Variants in TGM6 observed in about 807,000 individuals in gnomAD.
TGM6 encodes protein-glutamine gamma-glutamyltransferase 6.
Under a neutral mutation model 77.5 loss-of-function variants are expected in TGM6, and 74 were observed. The observed-to-expected ratio is 0.96, with a 90% CI of 0.79 to 1.16. The LOEUF (loss-of-function observed/expected upper bound fraction) is 1.16, where lower values mean the gene tolerates loss of function less well. Among genes scored for constraint, TGM6 ranks in the 50% most tolerant of loss-of-function variants. The pLI, the probability that TGM6 is intolerant of heterozygous loss-of-function variation, is 0.00. For missense variants in TGM6, 968 were observed against 940.2 expected (o/e 1.03, Z -0.39); for synonymous variants, 383 against 378.9 (o/e 1.01, Z -0.12).
chr20:2,394,429 C>T (rs763039648), intron 1 of TGM6, 23 bp from the exon 2 acceptor site: 1 of 1,610,836 alleles, frequency 6.2e-7, no homozygotes, highest in Non-Finnish European at 8.5e-7. Context: ...GTGGCCTCAT[C>T]TCCCTGTCCT....
rs6083054 is a variant in TGM6, at chr20:2,395,658, G to A, written c.424+222G>A. ...GGACCCAGTGGGCAAGAGAGGCCCA[G>A]GGGTGGGTAAGAGCCAGGACTTGGG... On this transcript the variant is annotated intron_variant, in intron 3 of 12. Transcript: ENST00000202625. 0.093 allele frequency among the ~76,000 whole-genome samples: 14,141 copies of A among 152,250 alleles called. 725 individuals carry two copies. The highest frequency in any genetic ancestry group is 0.12 in the African/African-American group (4,785 of 41,548).
At chr20:2,427,588 G>A (rs116952567) in intron 10 of TGM6, among the ~76,000 whole-genome samples, 1,653 of 152,238 alleles carry the variant, frequency 0.011, 13 homozygotes, top group Non-Finnish European at 0.016. Context: ...CTTAAGATGA[G>A]TTTAACGTGT....
At chr20:2,387,059 C>T (rs1309169247) in intron 1 of TGM6, among the ~76,000 whole-genome samples, 1 of 152,218 alleles carries the variant, frequency 6.6e-6, no homozygotes, top group Non-Finnish European at 1.5e-5. Context: ...CCAGTGTGTC[C>T]TCAGGCAAGA....
Position 2,394,696 on chromosome 20 carries a change from A to G in TGM6, c.181+71A>G, listed in dbSNP as rs907355561. The G allele has an allele frequency of 6.7e-6, 10 of 1,499,128 alleles. No individual in the cohort carries two copies. The East Asian group carries it at 1.2e-4, about 18-fold the overall frequency. 92.9% of individuals were successfully genotyped at this position (1,499,128 alleles called of 1,614,324 possible). A position where few individuals can be genotyped will look rare whatever the true frequency, so the allele number is the denominator to read the frequency against. ...ACCTGTCTTATGACTCAGTAACATA[A>G]GACCTTGCAGTCAGCAGCTCAGGCT... On this transcript the variant is annotated intron_variant, in intron 2 of 12. Transcript: ENST00000202625.
At chr20:2,400,551 C>G in intron 7 of TGM6, 107 bp downstream of exon 7, 2 of 1,529,100 alleles carry the variant, frequency 1.3e-6, no homozygotes, top group South Asian at 2.3e-5. Context: ...CAGAGCCCAG[C>G]TCTCCTGAAT....
Position 2,399,976 on chromosome 20 carries a change from G to GTC in TGM6, c.850+238_850+239insTC, listed in dbSNP as rs574860661. On this transcript the variant is annotated intron_variant, in intron 6 of 12. Coordinates refer to ENST00000202625, the MANE Select transcript of TGM6 (RefSeq NM_198994.3). Reference sequence around the variant, plus strand: ...CTCATTCATTGAGTGCCTTGGGCGAGCCCTGCGGCTCCCTTGGCCTCCAGT... The same window carrying GTC: ...CTCATTCATTGAGTGCCTTGGGCGAGTCCCCTGCGGCTCCCTTGGCCTCCAGT... Among the ~76,000 whole-genome samples, 3 of 152,266 alleles carry GTC rather than the reference G, an allele frequency of 2.0e-5. No homozygotes were observed. The South Asian group carries it at 6.2e-4, about 32-fold the overall frequency.
rs747647653 is a variant in TGM6, at chr20:2,394,481, C to T, written c.37C>T (p.Arg13Trp). The stretch of plus-strand genomic sequence containing the variant: ...CAGAGTCACCAAGGTGGACTGGCAG[C>T]GGTCGAGGAATGGCGCTGCCCACCA... ...GIRVTKVDWQ[R>W]SRNGAAHHTQ... Residue 13 changes from arginine to tryptophan, a missense_variant, in exon 2 of 13, where the codon CGG becomes TGG. Transcript: ENST00000202625. 1.6e-5 allele frequency: 26 copies of T among 1,611,380 alleles called. No individual in the cohort carries two copies. The highest frequency in any genetic ancestry group is 8.3e-5 in the Admixed American group (5 of 60,002).
chr20:2,391,797 A>G (rs2084631026), intron 1 of TGM6, among the ~76,000 whole-genome samples: 1 of 152,142 alleles, frequency 6.6e-6, no homozygotes, highest in African/African-American at 2.4e-5. Flanking sequence ...GGCCCTTAGG[A>G]TAAAAGGCAG....
chr20:2,397,884 C>A, intron 4 of TGM6, 34 bp from the exon 5 acceptor site: 2 of 1,614,032 alleles, frequency 1.2e-6, no homozygotes, highest in African/African-American at 1.3e-5. Flanking sequence ...GGTGACTGAA[C>A]GCAGCCTCTA....
chr20:2,432,598 G>C lies in TGM6; in HGVS notation c.2076G>C (p.Pro692=). The change falls in exon 13 of 13, where the codon CCG becomes CCC. Residue 692 remains proline (P), a synonymous_variant. Coordinates refer to ENST00000202625, the MANE Select transcript of TGM6 (RefSeq NM_198994.3). ...LQVDLVSPHF[P]DIKGFVIVHV... is the part of the protein sequence containing the mutation. ...TGGACCTTGTAAGCCCTCACTTCCC[G>C]GACATCAAGGGCTTTGTGATCGTCC... is the stretch of plus-strand genomic sequence containing the variant. 1 of 1,614,056 alleles carries C rather than the reference G, an allele frequency of 6.2e-7. No individual in the cohort carries two copies. The highest frequency in any genetic ancestry group is 1.7e-5 in the Admixed American group (1 of 60,006).
intron 9 of TGM6, among the ~76,000 whole-genome samples, chr20:2,406,732 G>A (rs1478097308): frequency 6.7e-6 from 1 of 149,698 alleles, no homozygotes; most frequent in African/African-American, 2.4e-5. Flanking sequence ...CTACTTGGGA[G>A]GCTGAGGCAG....
At chr20:2,397,557 A>G (rs2084677322) in intron 4 of TGM6, among the ~76,000 whole-genome samples, 1 of 152,328 alleles carries the variant, frequency 6.6e-6, no homozygotes, top group African/African-American at 2.4e-5. Context: ...CAATTTTTAA[A>G]TGTTGTTAAC....
rs925621272 is a variant in TGM6 at position 2,430,606 on chromosome 20, C to T, written c.1833+6C>T. The T allele has an allele frequency of 6.2e-7, 1 of 1,613,992 alleles. No individual in the cohort carries two copies. On this transcript the variant is annotated splice_donor_region_variant and intron_variant, in intron 11 of 12. Coordinates refer to ENST00000202625, the MANE Select transcript of TGM6 (RefSeq NM_198994.3). ...AGGACTTCATCACCATCAAGGTGAC[C>T]TCAGCCTGCATCTACCATGCTGTTC...
intron 1 of TGM6, among the ~76,000 whole-genome samples, chr20:2,389,666 T>C (rs1431403022): frequency 1.3e-5 from 2 of 152,104 alleles, no homozygotes; most frequent in South Asian, 2.1e-4. Context: ...ATAATATAAA[T>C]AGTAAATAAG....
intron 10 of TGM6, among the ~76,000 whole-genome samples, chr20:2,420,200 G>A (rs910686132): frequency 1.1e-4 from 16 of 152,012 alleles, no homozygotes; most frequent in South Asian, 2.1e-4. Flanking sequence ...AGCCGAGATC[G>A]CGCCACTGCA....
chr20:2,427,926 G>A (rs1568672035), intron 10 of TGM6, among the ~76,000 whole-genome samples: 2 of 152,050 alleles, frequency 1.3e-5, no homozygotes, highest in African/African-American at 4.8e-5. Context: ...TTGATAAGTT[G>A]TAGTTTCATT....
intron 10 of TGM6, among the ~76,000 whole-genome samples, chr20:2,419,856 A>C (rs2084843991): frequency 6.6e-6 from 1 of 152,230 alleles, no homozygotes; most frequent in African/African-American, 2.4e-5. Context: ...TTGTTTATCT[A>C]CAGAGTGTCA....
At chr20:2,400,260 C>T (rs1447774467) in intron 6 of TGM6, 46 bp from the exon 7 acceptor site, 1 of 1,612,394 alleles carries the variant, frequency 6.2e-7, no homozygotes, top group South Asian at 1.1e-5. Flanking sequence ...AGGCCCCTCT[C>T]TCAGGGGCCA....
intron 9 of TGM6, among the ~76,000 whole-genome samples, chr20:2,405,683 C>A (rs1455466460): frequency 2.0e-5 from 3 of 152,198 alleles, no homozygotes; most frequent in Non-Finnish European, 4.4e-5. Context: ...CTGCTGATTT[C>A]TTGTGCTATT....
Sources: gnomAD v4.1 joint callset for allele counts (sites outside exome capture counted in the v4.1 genomes callset) on GRCh38, gnomAD v4.1.1 for gene constraint, MANE v1.5 for transcripts, NCBI Gene and HGNC (gene_info 2026-07-23, HGNC 2026-07-21) for gene names.